The following TENM2 variants were observed in gnomAD, a reference collection of about 807,000 sequenced individuals.
TENM2 encodes the protein teneurin transmembrane protein 2, also known as teneurin-2.
TENM2 carries 52 observed loss-of-function variants against 245.2 expected under a neutral mutation model. The ratio of observed to expected loss-of-function variants is 0.21; its 90% CI spans 0.17 to 0.27. The LOEUF is 0.27. Ranked by LOEUF, TENM2 falls within the 10% of genes least tolerant of loss-of-function variation. The probability of loss-of-function intolerance (pLI) is 1.00; values close to 1 mark genes in which losing one functional copy is unlikely to be tolerated. For synonymous variants in TENM2, 1,363 were observed against 1,438.9 expected, an observed-to-expected ratio of 0.95 and a Z score of 1.19; for missense variants, 3,046 against 3,666.8, an observed-to-expected ratio of 0.83 and a Z score of 4.37.
At chr5:168,095,874 A>G (rs1390729558) in intron 8 of TENM2, among the ~76,000 whole-genome samples, 2 of 152,110 alleles carry the variant, frequency 1.3e-5, no homozygotes, top group African/African-American at 2.4e-5. Context: ...GAGCAATGCA[A>G]TATCCAGAGT....
the TENM2 span, among the ~76,000 whole-genome samples, chr5:167,040,669 T>C: frequency 1.3e-5 from 2 of 152,178 alleles, no homozygotes; most frequent in Non-Finnish European, 2.9e-5. Context: ...CTAAATGAAT[T>C]ACCATGCAAA....
rs532064689 is a variant in TENM2 at position 167,647,129 on chromosome 5, C to T, written c.503-228857C>T. On this transcript the variant is annotated intron_variant, in intron 2 of 28. Coordinates refer to ENST00000518659, the Ensembl canonical transcript of TENM2. ...TGTAAGGTGGCTTGGAATAAGGAAA[C>T]CAGTCCTAAGACATTACGGTAGAAG... Among the ~76,000 whole-genome samples, 7 of 152,158 alleles carry T rather than the reference C, an allele frequency of 4.6e-5. No homozygotes were observed. In the South Asian group the frequency reaches 1.0e-3, roughly 23 times the overall value.
chr5:167,486,026 C>T (rs1287366771), intron 2 of TENM2, among the ~76,000 whole-genome samples: 1 of 152,024 alleles, frequency 6.6e-6, no homozygotes, highest in Non-Finnish European at 1.5e-5. Flanking sequence ...GAAATACCTC[C>T]CCTTAGTAGT....
rs1765599922 is a variant in TENM2 at position 167,451,759 on chromosome 5, C to T, written c.502+76286C>T. Among the ~76,000 whole-genome samples the T allele has an allele frequency of 3.3e-5, 5 of 152,090 alleles. No homozygotes were observed. In the South Asian group the frequency reaches 8.3e-4, roughly 25 times the overall value. On this transcript the variant is annotated intron_variant, in intron 2 of 28. Transcript: ENST00000518659. Reference sequence around the variant, plus strand: ...CGCCTCCCGGGTTCATGCCATTCTTCTGCCTCCGCCTCCCAAGTAGCTGGG... The same window carrying T: ...CGCCTCCCGGGTTCATGCCATTCTTTTGCCTCCGCCTCCCAAGTAGCTGGG...
At chr5:168,048,588 A>T (rs895537113) in intron 6 of TENM2, among the ~76,000 whole-genome samples, 3 of 152,208 alleles carry the variant, frequency 2.0e-5, no homozygotes, top group Non-Finnish European at 4.4e-5. Flanking sequence ...AAATAGGTAC[A>T]AATTTGGACT....
intron 15 of TENM2, among the ~76,000 whole-genome samples, chr5:168,198,108 C>T (rs548951874): frequency 6.6e-6 from 1 of 151,332 alleles, no homozygotes; most frequent in South Asian, 2.1e-4. Context: ...TTCTCACCAA[C>T]AACTCAGCTC....
rs1766360237 is a variant in TENM2, at chr5:168,244,342, C to T, written c.5521-78C>T. On this transcript the variant is annotated intron_variant, in intron 25 of 28. Coordinates refer to ENST00000518659, the Ensembl canonical transcript of TENM2. The surrounding 1 kb of genome is among the most constrained non-coding windows in gnomAD (Gnocchi z 4.9). ...GTGAACACTTAAGCCCTGGCCATGC[C>T]AGCCATGTCCTCCACAGAAGCCTGA... is the stretch of plus-strand genomic sequence containing the variant. 2 of 1,241,062 alleles carry T rather than the reference C, an allele frequency of 1.6e-6. No homozygotes were observed. The highest frequency in any genetic ancestry group is 1.5e-5 in the African/African-American group (1 of 65,064). 76.9% of individuals were successfully genotyped at this position (1,241,062 alleles called of 1,614,324 possible). A position where few individuals can be genotyped will look rare whatever the true frequency, so the allele number is the denominator to read the frequency against.
intron 2 of TENM2, among the ~76,000 whole-genome samples, chr5:167,725,902 T>C: frequency 6.6e-6 from 1 of 152,046 alleles, no homozygotes; most frequent in East Asian, 1.9e-4. Context: ...TCTCTACTCA[T>C]CCATTAAGGC....
intron 2 of TENM2, among the ~76,000 whole-genome samples, chr5:167,515,846 A>T (rs1770347435): frequency 6.6e-6 from 1 of 151,506 alleles, no homozygotes; most frequent in South Asian, 2.1e-4. Flanking sequence ...TATTTAGTTT[A>T]ATCTATAAAT....
chr5:167,686,857 G>T (rs1757108300), intron 2 of TENM2, among the ~76,000 whole-genome samples: 1 of 152,128 alleles, frequency 6.6e-6, no homozygotes, highest in African/African-American at 2.4e-5. Context: ...TGATGCAAAA[G>T]TAATTATGTT....
At chr5:168,042,463 A>C (rs1788274064) in intron 5 of TENM2, among the ~76,000 whole-genome samples, 1 of 152,154 alleles carries the variant, frequency 6.6e-6, no homozygotes, top group Non-Finnish European at 1.5e-5. Flanking sequence ...TCTGCCAGCC[A>C]ATGAACACAG....
At chr5:167,158,907 CCTCTTCCT>C in the TENM2 span, among the ~76,000 whole-genome samples, 1 of 128,914 alleles carries the variant, frequency 7.8e-6, no homozygotes, top group Non-Finnish European at 1.6e-5. Context: ...TTCCTTCCTT[CCTCTTCCT>C]CTCTCTCTCT....
chr5:168,105,181 C>T (rs763584196), intron 9 of TENM2, among the ~76,000 whole-genome samples: 24 of 152,302 alleles, frequency 1.6e-4, no homozygotes, highest in Middle Eastern at 3.4e-3. Flanking sequence ...GTGGAACTCA[C>T]GCTGGGAGAG....
chr5:167,554,068 G>A (rs1351469924), intron 2 of TENM2, among the ~76,000 whole-genome samples: 1 of 152,164 alleles, frequency 6.6e-6, no homozygotes, highest in Admixed American at 6.5e-5. Flanking sequence ...CATTCTATAG[G>A]CTTTCCCCTG....
At chr5:167,591,632 T>C (rs1027138718) in intron 2 of TENM2, among the ~76,000 whole-genome samples, 6 of 152,228 alleles carry the variant, frequency 3.9e-5, no homozygotes, top group African/African-American at 1.4e-4. Context: ...TTATCATACA[T>C]AGTAGCTCTA....
chr5:167,587,619 TC>T (rs1266538732), intron 2 of TENM2, among the ~76,000 whole-genome samples: 1 of 152,162 alleles, frequency 6.6e-6, no homozygotes, highest in Non-Finnish European at 1.5e-5. Context: ...GAAATTAGAT[TC>T]CTTTAAAGAG....
intron 2 of TENM2, among the ~76,000 whole-genome samples, chr5:167,686,124 C>T (rs1757059912): frequency 6.6e-6 from 1 of 152,298 alleles, no homozygotes; most frequent in Non-Finnish European, 1.5e-5. Flanking sequence ...GTATTGATCA[C>T]TTACTATTAT....
At chr5:168,196,563 G>A (rs1761445483) in intron 15 of TENM2, among the ~76,000 whole-genome samples, 1 of 152,196 alleles carries the variant, frequency 6.6e-6, no homozygotes, top group Admixed American at 6.5e-5. Context: ...CTGAGTTCAA[G>A]TGATTCTCCT....
intron 2 of TENM2, among the ~76,000 whole-genome samples, chr5:167,775,113 C>T (rs922900943): frequency 3.3e-5 from 5 of 152,126 alleles, no homozygotes; most frequent in South Asian, 2.1e-4. Context: ...GGATTACAGG[C>T]GTGCACCACC....
Sources: gnomAD v4.1 joint callset for allele counts (sites outside exome capture counted in the v4.1 genomes callset) on GRCh38, gnomAD v4.1.1 for gene constraint, Gnocchi (gnomAD v3.1) non-coding constraint, MANE v1.5 for transcripts, NCBI Gene and HGNC (gene_info 2026-07-23, HGNC 2026-07-21) for gene names.